The following PDE3B variants were observed in gnomAD, a reference collection of about 807,000 sequenced individuals.
PDE3B encodes the protein cGMP-inhibited 3',5'-cyclic phosphodiesterase 3B.
A neutral mutation model predicts 116.8 loss-of-function variants in PDE3B; 66 were observed. That is an observed-to-expected ratio of 0.56 (90% CI 0.46 to 0.69). The LOEUF (loss-of-function observed/expected upper bound fraction) is 0.69, where lower values mean the gene tolerates loss of function less well. PDE3B is among the 30% of genes least tolerant of loss of function. The pLI is 0.00. For synonymous variants in PDE3B, 595 were observed against 533.6 expected (o/e 1.12, Z -1.59); for missense variants, 1,384 against 1,368.1 (o/e 1.01, Z -0.18).
At chr11:14,668,100 G>A (rs550006749) in intron 1 of PDE3B, among the ~76,000 whole-genome samples, 11 of 151,974 alleles carry the variant, frequency 7.2e-5, no homozygotes, top group African/African-American at 2.4e-4. Flanking sequence ...AGGAAGAAAG[G>A]GGGAGACATC....
chr11:14,867,728 G>T lies in PDE3B; in HGVS notation c.3109G>T (p.Asp1037Tyr), dbSNP rs1848074375. ...AGACGGTGAAGAATTAGATACAGAA[G>T]ATGAAGAAATGGAAAACAATCTAAA... ...DEDGEELDTE[D>Y]EEMENNLNPK... The change falls in exon 15 of 16, where the codon GAT becomes TAT. Residue 1037 changes from aspartate (D) to tyrosine (Y), a missense_variant. Asp to Tyr is a radical substitution (Grantham distance 160). Around this residue, in one of 2 missense-constraint regions of PDE3B, gnomAD observed 428 missense variants for 561.4 expected, o/e 0.76. Transcript: ENST00000282096. 25 of 1,610,902 alleles carry T rather than the reference G, an allele frequency of 1.6e-5. No individual in the cohort carries two copies. Among genetic ancestry groups the T allele is most frequent in the Non-Finnish European group, 2.0e-5 (24 of 1,177,116 alleles).
chr11:14,669,728 T>TG (rs1383017471), intron 1 of PDE3B, among the ~76,000 whole-genome samples: 2 of 151,956 alleles, frequency 1.3e-5, no homozygotes, highest in African/African-American at 4.8e-5. Flanking sequence ...TTTCTGTCCT[T>TG]GCGATAGCAC....
chr11:14,766,871 G>C (rs1857512362), intron 1 of PDE3B, among the ~76,000 whole-genome samples: 1 of 151,602 alleles, frequency 6.6e-6, no homozygotes, highest in African/African-American at 2.4e-5. Context: ...ATTTTTCAGA[G>C]GTAAACACAA....
the PDE3B span, among the ~76,000 whole-genome samples, chr11:14,889,165 T>TTG: frequency 4.3e-4 from 23 of 53,474 alleles, no homozygotes; most frequent in Non-Finnish European, 8.1e-4. Context: ...AGTCCAGTTG[T>TTG]TTTTTTTTTT....
intron 4 of PDE3B, among the ~76,000 whole-genome samples, chr11:14,803,465 G>A (rs1858830718): frequency 6.6e-6 from 1 of 152,122 alleles, no homozygotes. Flanking sequence ...CATCATATAA[G>A]AACTTGTTAG....
At position 14,735,802 on chromosome 11, in the gene PDE3B, T is replaced by G. The variant is rs117291254; in HGVS notation, c.979-36135T>G. ...GGTATGCTGGCTTTTAGGGTACACA[T>G]TCAAGGTTTGGTAGGGAGCCTATTA... On this transcript the variant is annotated intron_variant, in intron 1 of 15. Coordinates refer to ENST00000282096, the MANE Select transcript of PDE3B (RefSeq NM_000922.4). 4.3e-4 allele frequency among the ~76,000 whole-genome samples: 66 copies of G among 152,284 alleles called. 2 individuals are homozygous for G. In the East Asian group the frequency reaches 0.012, roughly 27 times the overall value.
intron 1 of PDE3B, among the ~76,000 whole-genome samples, chr11:14,662,336 G>A (rs1348719231): frequency 6.6e-6 from 1 of 152,128 alleles, no homozygotes; most frequent in Non-Finnish European, 1.5e-5. Context: ...ACCAGAAGTA[G>A]ATAAAACCAC....
intron 4 of PDE3B, among the ~76,000 whole-genome samples, chr11:14,799,244 G>A (rs1219023385): frequency 6.6e-6 from 1 of 152,160 alleles, no homozygotes; most frequent in Non-Finnish European, 1.5e-5. Flanking sequence ...GTGCGGTTTC[G>A]AGTGAGTTTC....
At chr11:14,798,636 C>T (rs868275077) in intron 4 of PDE3B, among the ~76,000 whole-genome samples, 58 of 152,186 alleles carry the variant, frequency 3.8e-4, no homozygotes, top group African/African-American at 1.0e-3. Flanking sequence ...TTCAGGGATT[C>T]GACTTCTTCC....
chr11:14,660,577 T>C (rs781419628), intron 1 of PDE3B, among the ~76,000 whole-genome samples: 14 of 152,138 alleles, frequency 9.2e-5, no homozygotes, highest in Non-Finnish European at 1.9e-4. Context: ...GTGCTGGGAT[T>C]GCAGGCATGA....
Position 14,797,963 on chromosome 11 carries a change from C to T in PDE3B, c.1416-5981C>T, listed in dbSNP as rs111641316. Among the ~76,000 whole-genome samples, 684 of 152,248 alleles carry T rather than the reference C, an allele frequency of 4.5e-3. 8 individuals carry two copies. The highest frequency in any genetic ancestry group is 0.016 in the African/African-American group (667 of 41,532). On this transcript the variant is annotated intron_variant, in intron 4 of 15. Transcript: ENST00000282096. ...ATTGCCCTGACCAGAACTTCCACTA[C>T]CATGATGAATAGGAGTGGTGAGGGA...
intron 1 of PDE3B, among the ~76,000 whole-genome samples, chr11:14,761,759 A>T (rs1258498930): frequency 2.0e-5 from 3 of 152,282 alleles, no homozygotes; most frequent in Middle Eastern, 3.4e-3. Context: ...AATTACCATG[A>T]CAAAACTTAT....
intron 1 of PDE3B, among the ~76,000 whole-genome samples, chr11:14,715,667 T>C (rs997831530): frequency 1.9e-4 from 29 of 152,190 alleles, no homozygotes; most frequent in African/African-American, 7.0e-4. Flanking sequence ...GCTGAGACGA[T>C]GGGGTTTTCT....
the PDE3B span, among the ~76,000 whole-genome samples, chr11:14,881,844 T>C: frequency 6.6e-6 from 1 of 151,758 alleles, no homozygotes; most frequent in African/African-American, 2.4e-5. Context: ...TGCAGAACCA[T>C]GAGCCAATTA....
At position 14,713,673 on chromosome 11, in the gene PDE3B, C is replaced by G. The variant is rs1369649946; in HGVS notation, c.979-58264C>G. On this transcript the variant is annotated intron_variant, in intron 1 of 15. Coordinates refer to ENST00000282096, the MANE Select transcript of PDE3B (RefSeq NM_000922.4). ...TCAGCCTCCACAATCATGTGAACTA[C>G]TTCCTTATAATAAAAAATCTTTACA... Among the ~76,000 whole-genome samples, 3 of 150,166 alleles carry G rather than the reference C, an allele frequency of 2.0e-5. No homozygotes were observed. In the East Asian group the frequency reaches 5.9e-4, roughly 29 times the overall value.
intron 1 of PDE3B, among the ~76,000 whole-genome samples, chr11:14,695,127 A>G (rs968043492): frequency 6.6e-6 from 1 of 152,122 alleles, no homozygotes; most frequent in African/African-American, 2.4e-5. Flanking sequence ...TTTCAATTTC[A>G]TATTTCTGAC....
At chr11:14,668,344 C>T (rs188065217) in intron 1 of PDE3B, among the ~76,000 whole-genome samples, 1 of 152,214 alleles carries the variant, frequency 6.6e-6, no homozygotes, top group Non-Finnish European at 1.5e-5. Flanking sequence ...TCTCAAAATC[C>T]TTTCCTCACT....
chr11:14,670,516 T>A (rs1713510770), intron 1 of PDE3B, among the ~76,000 whole-genome samples: 1 of 152,040 alleles, frequency 6.6e-6, no homozygotes, highest in African/African-American at 2.4e-5. Flanking sequence ...GGCAAACAGA[T>A]TTGGGATTAA....
chr11:14,862,246 G>A (rs1555007292), intron 14 of PDE3B, among the ~76,000 whole-genome samples: 1 of 152,114 alleles, frequency 6.6e-6, no homozygotes, highest in Admixed American at 6.6e-5. Context: ...TGATGGGGTT[G>A]GGGGTGGGCC....
Sources: allele counts gnomAD v4.1 joint callset (sites outside exome capture counted in the v4.1 genomes callset), GRCh38; gene constraint gnomAD v4.1.1; regional missense constraint gnomAD v4.1.1; transcripts MANE v1.5; gene names NCBI Gene and HGNC (gene_info 2026-07-23, HGNC 2026-07-21).